The following BCORL1 variants were observed in gnomAD, a reference collection of about 807,000 sequenced individuals.
The protein encoded by BCORL1 is BCL6 corepressor like 1.
BCORL1 carries 7 observed loss-of-function variants against 87.6 expected under a neutral mutation model. That is an observed-to-expected ratio of 0.08 (90% confidence interval 0.05 to 0.15). The LOEUF (loss-of-function observed/expected upper bound fraction) is 0.15. Among genes scored for constraint, BCORL1 ranks in the 10% least tolerant of loss-of-function variants. BCORL1 has a pLI of 1.00. For synonymous variants in BCORL1, 591 were observed against 634.4 expected (o/e 0.93, Z 1.03); for missense variants, 1,215 against 1,499.7 (o/e 0.81, Z 3.13).
chrX:130,015,318 C>T lies in BCORL1; in HGVS notation c.2546C>T (p.Ala849Val), dbSNP rs1167935416. The T allele has an allele frequency of 1.4e-5, 17 of 1,210,349 alleles. No individual in the cohort carries two copies. Among genetic ancestry groups the T allele is most frequent in the Non-Finnish European group, 1.9e-5 (17 of 895,273 alleles). The change falls in exon 4 of 14, where the codon GCC becomes GTC. Residue 849 changes from alanine (A) to valine (V), a missense_variant. This residue lies in a region of BCORL1 where 861 missense variants were observed against 1,010.0 expected (regional missense o/e 0.85). Transcript: ENST00000540052. ...CTGCTTTCCATTGGCATTTCCAGTG[C>T]CGGGCAGCTGACCCCCAGTCAGGGG... ...ASLLSIGISSAGQLTPSQGAP... is the reference protein window; with the variant it reads ...ASLLSIGISSVGQLTPSQGAP...
intron 4 of BCORL1, among the ~76,000 whole-genome samples, chrX:130,016,744 C>T (rs1450464772): frequency 1.8e-5 from 2 of 111,278 alleles, no homozygotes; most frequent in Admixed American, 9.5e-5. Context: ...GTTTCCTACC[C>T]GCTCGAATGC....
intron 7 of BCORL1, among the ~76,000 whole-genome samples, chrX:130,025,999 G>A (rs1930224765): frequency 1.8e-5 from 2 of 111,657 alleles, no homozygotes. Context: ...AGAAAACCAG[G>A]CTTTCTCTGA....
At position 130,014,464 on chromosome X, in the gene BCORL1, A is replaced by G; in HGVS notation, c.1692A>G (p.Pro564=). 1 of 1,211,162 alleles carries G rather than the reference A, an allele frequency of 8.3e-7. No individual in the cohort carries two copies. Among genetic ancestry groups the G allele is most frequent in the East Asian group, 3.0e-5 (1 of 33,795 alleles). Residue 564 remains proline (P), a synonymous_variant, in exon 4 of 14, where the codon CCA becomes CCG. Transcript: ENST00000540052. ...VTASAKVLPT[P]QPLLPAPSGS... ...CTTCTGCCAAGGTGCTTCCAACTCCACAGCCTCTGCTGCCAGCCCCCAGTG... is the reference window on the plus strand; with the variant it reads ...CTTCTGCCAAGGTGCTTCCAACTCCGCAGCCTCTGCTGCCAGCCCCCAGTG...
intron 12 of BCORL1, among the ~76,000 whole-genome samples, 156 bp downstream of exon 12, chrX:130,050,950 C>T (rs780887719): frequency 1.8e-5 from 2 of 111,666 alleles, no homozygotes; most frequent in African/African-American, 3.3e-5. Context: ...AGTCATTTGT[C>T]GAAACTGGGA....
At chrX:129,991,485 C>G (rs768237842) in intron 1 of BCORL1, among the ~76,000 whole-genome samples, 49 of 106,706 alleles carry the variant, frequency 4.6e-4, no homozygotes, top group African/African-American at 1.6e-3. Context: ...CTGGGACAGG[C>G]CACCATGCCC....
chrX:130,031,056 G>A (rs982095445), intron 8 of BCORL1, among the ~76,000 whole-genome samples: 12 of 112,813 alleles, frequency 1.1e-4, no homozygotes, highest in Non-Finnish European at 2.3e-4. Flanking sequence ...GAAGGAGAGA[G>A]GGGGAGGGGT....
chrX:130,041,278 CAAAAAAAAA>C (rs56172113), intron 11 of BCORL1, among the ~76,000 whole-genome samples: 4 of 33,736 alleles, frequency 1.2e-4, no homozygotes, highest in Non-Finnish European at 2.4e-4. Flanking sequence ...GACAGTGTCT[CAAAAAAAAA>C]AAAAAAAAAA....
At position 129,999,421 on chromosome X, in the gene BCORL1, ACCTCAGCTTCC is replaced by A. The variant is rs1325560266; in HGVS notation, c.-44-5765_-44-5755del. On this transcript the variant is annotated intron_variant, in intron 1 of 13. Coordinates refer to ENST00000540052, the MANE Select transcript of BCORL1 (RefSeq NM_001379451.1). Reference sequence around the variant, plus strand: ...CCTCCCGGGCTCAAGCAGTTCTCCCACCTCAGCTTCCCAAGTAGCAGGGACCACAGGTTTGC... The same window carrying A: ...CCTCCCGGGCTCAAGCAGTTCTCCCACAAGTAGCAGGGACCACAGGTTTGC... 7.0e-5 allele frequency among the ~76,000 whole-genome samples: 6 copies of A among 85,873 alleles called. No homozygotes were observed. In the East Asian group the frequency reaches 2.3e-3, roughly 32 times the overall value. 74.6% of individuals were successfully genotyped at this position (85,873 alleles called of 115,157 possible).
At chrX:130,032,117 A>G (rs1930643237) in intron 8 of BCORL1, among the ~76,000 whole-genome samples, 1 of 111,952 alleles carries the variant, frequency 8.9e-6, no homozygotes, top group African/African-American at 3.2e-5. Context: ...GGTATAACAA[A>G]TTACTATACA....
At chrX:129,986,540 CG>C (rs1357252900) in intron 1 of BCORL1, among the ~76,000 whole-genome samples, 7 of 112,035 alleles carry the variant, frequency 6.2e-5, no homozygotes, top group Admixed American at 5.7e-4. Context: ...AAAAATGGGC[CG>C]GGTGCAGTGG....
At chrX:130,043,780 ATATATTTTTTT>A (rs1931543386) in intron 11 of BCORL1, among the ~76,000 whole-genome samples, 2 of 21,741 alleles carry the variant, frequency 9.2e-5, no homozygotes, top group Non-Finnish European at 1.3e-4. Flanking sequence ...ATATATATAT[ATATATTTTTTT>A]TTTTTTTTTT....
rs1250517025 is a variant in BCORL1 at position 130,034,418 on chromosome X, G to A, written c.4306-37G>A. 3.2e-6 allele frequency: 3 copies of A among 951,217 alleles called. No homozygotes were observed. In the African/African-American group the frequency reaches 6.1e-5, roughly 19 times the overall value. 78.4% of individuals were successfully genotyped at this position (951,217 alleles called of 1,213,427 possible). ...CCCTGGTGGATGGATAAGCTGCCTG[G>A]CCTGACCTGACCTAGGACTGCATCT... On this transcript the variant is annotated intron_variant, in intron 8 of 13. Transcript: ENST00000540052.
At chrX:130,021,222 G>C in intron 5 of BCORL1, 72 bp downstream of exon 5, 1 of 1,133,736 alleles carries the variant, frequency 8.8e-7, no homozygotes. Flanking sequence ...TGAGGGCAGA[G>C]GGGCTCAGGC....
In BCORL1 at chrX:130,034,517, C is replaced by T. The variant is rs562509849; in HGVS notation, c.4368C>T (p.Pro1456=). The change falls in exon 9 of 14, where the codon CCC becomes CCT. Residue 1456 remains proline (P), a synonymous_variant. Transcript: ENST00000540052. The part of the protein sequence containing the change: ...RSPKSPTPVK[P]TEPCTPSKSR... ...CCAAATCTCCCACCCCAGTGAAACC[C>T]ACAGAACCATGTACACCCTCTAAGT... 2.5e-5 allele frequency: 25 copies of T among 981,394 alleles called. No homozygotes were observed. In the Admixed American group the frequency reaches 4.0e-4, roughly 16 times the overall value. 80.9% of individuals were successfully genotyped at this position (981,394 alleles called of 1,213,427 possible).
rs763593505 is a variant in BCORL1, at chrX:130,021,044, A to G, written c.3501A>G (p.Ser1167=). ...CCAAGAAAAGCCCCAGGGGGGCTTC[A>G]GATTCAGGAAAAGAGCACAATGGAG... ...ESTKKSPRGA[S]DSGKEHNGVR... The change falls in exon 5 of 14, where the codon TCA becomes TCG. Residue 1167 remains serine (S), a synonymous_variant. Coordinates refer to ENST00000540052, the MANE Select transcript of BCORL1 (RefSeq NM_001379451.1). 3 of 1,188,451 alleles carry G rather than the reference A, an allele frequency of 2.5e-6. No homozygotes were observed. The South Asian group carries it at 5.6e-5, about 22-fold the overall frequency.
At chrX:129,992,504 G>C (rs1927272134) in intron 1 of BCORL1, among the ~76,000 whole-genome samples, 1 of 111,903 alleles carries the variant, frequency 8.9e-6, no homozygotes, top group Admixed American at 9.5e-5. Flanking sequence ...AAGCTGTATA[G>C]ATACACCTTT....
rs750356800 is a variant in BCORL1 at position 130,014,131 on chromosome X, G to A, written c.1359G>A (p.Pro453=). 57 of 1,208,562 alleles carry A rather than the reference G, an allele frequency of 4.7e-5. No homozygotes were observed. The highest frequency in any genetic ancestry group is 6.0e-5 in the Non-Finnish European group (54 of 894,816). ...LTPSQPLVYI[P]PPSCGQPLSV... is the part of the protein sequence containing the mutation. Reference sequence around the variant, plus strand: ...CGAGCCAGCCGCTGGTATATATCCCGCCTCCAAGCTGTGGGCAGCCACTCA... The same window carrying A: ...CGAGCCAGCCGCTGGTATATATCCCACCTCCAAGCTGTGGGCAGCCACTCA... Residue 453 remains proline, a synonymous_variant, in exon 4 of 14, where the codon CCG becomes CCA. Coordinates refer to ENST00000540052, the MANE Select transcript of BCORL1 (RefSeq NM_001379451.1).
chrX:130,043,784 A>ATATATAT (rs1556131020), intron 11 of BCORL1, among the ~76,000 whole-genome samples: 4 of 15,969 alleles, frequency 2.5e-4, no homozygotes, highest in Non-Finnish European at 3.5e-4. Context: ...ATATATATAT[A>ATATATAT]TTTTTTTTTT....
chrX:130,021,209 T>C, intron 5 of BCORL1, 59 bp downstream of exon 5: 1 of 1,153,502 alleles, frequency 8.7e-7, no homozygotes, highest in Non-Finnish European at 1.1e-6. Context: ...CAGGGCACAG[T>C]GGTGAGGGCA....
Sources: allele counts gnomAD v4.1 joint callset (sites outside exome capture counted in the v4.1 genomes callset), GRCh38; gene constraint gnomAD v4.1.1; regional missense constraint gnomAD v4.1.1; transcripts MANE v1.5; gene names NCBI Gene and HGNC (gene_info 2026-07-23, HGNC 2026-07-21).